HTR5A: variants seen among roughly 807,000 people sequenced by gnomAD.
The protein encoded by HTR5A is 5-HT-5.
A neutral mutation model predicts 24.3 loss-of-function variants in HTR5A; 21 were observed. The observed-to-expected ratio is 0.86, with a 90% CI of 0.61 to 1.24. The LOEUF (loss-of-function observed/expected upper bound fraction) is 1.24, where lower values mean the gene tolerates loss of function less well. HTR5A is among the 50% of genes most tolerant of loss of function. HTR5A has a pLI of 0.00. For missense variants in HTR5A, 497 were observed against 489.5 expected (o/e 1.02, Z -0.15); for synonymous variants, 260 against 213.7 (o/e 1.22, Z -1.89).
chr7:155,080,925 T>C (rs77117702), intron 1 of HTR5A, among the ~76,000 whole-genome samples: 2,031 of 152,304 alleles, frequency 0.013, 41 homozygotes, highest in African/African-American at 0.041. Context: ...CTGACCTTAA[T>C]TGGCTGACTT....
chr7:155,074,647 C>A (rs1321904519), intron 1 of HTR5A: 1 of 152,106 alleles, frequency 6.6e-6, no homozygotes, highest in Admixed American at 6.5e-5. Context: ...AACTATTTTA[C>A]CTTCTATTAT....
chr7:155,087,379 A>T lies in HTR5A; in HGVS notation c.*2892A>T, dbSNP rs1262927900. 6.6e-6 allele frequency among the ~76,000 whole-genome samples: 1 copy of T among 152,206 alleles called. No homozygotes were observed. Among genetic ancestry groups the T allele is most frequent in the Non-Finnish European group, 1.5e-5 (1 of 68,026 alleles). On this transcript the variant is annotated 3_prime_UTR_variant, in exon 2 of 2. Coordinates refer to ENST00000287907, the MANE Select transcript of HTR5A (RefSeq NM_024012.4). ...TCTATTAAAGAGAAAATAAAGATTG[A>T]GTCCACAGCTCAAGTGCTGAGTGAA...
chr7:155,082,460 A>C (rs1795428332), intron 1 of HTR5A, among the ~76,000 whole-genome samples: 1 of 152,192 alleles, frequency 6.6e-6, no homozygotes, highest in African/African-American at 2.4e-5. Flanking sequence ...TTCCAGTATA[A>C]CCAGCATCTC....
intron 1 of HTR5A, among the ~76,000 whole-genome samples, chr7:155,079,797 G>C (rs375116733): frequency 6.6e-6 from 1 of 152,118 alleles, no homozygotes; most frequent in Non-Finnish European, 1.5e-5. Context: ...AGTGTCTCAG[G>C]GTCCTGGACC....
chr7:155,071,413 A>G lies in HTR5A; in HGVS notation c.514A>G (p.Ile172Val). Residue 172 changes from isoleucine (I) to valine (V), a missense_variant, in exon 1 of 2, where the codon ATC (isoleucine) becomes GTC (valine). Coordinates refer to ENST00000287907, the MANE Select transcript of HTR5A (RefSeq NM_024012.4). ...IALTWALSAV[I>V]SLAPLLFGWG... is the part of the protein sequence containing the mutation. The stretch of plus-strand genomic sequence containing the variant: ...GCTCACCTGGGCACTCTCCGCTGTC[A>G]TCTCTCTGGCCCCGCTGCTTTTTGG... 1 of 1,614,158 alleles carries G rather than the reference A, an allele frequency of 6.2e-7. No homozygotes were observed. The highest frequency in any genetic ancestry group is 8.5e-7 in the Non-Finnish European group (1 of 1,180,032).
In HTR5A at chr7:155,077,551, C is replaced by T. The variant is rs1244107719; in HGVS notation, c.741+5911C>T. Among the ~76,000 whole-genome samples, 3 of 151,384 alleles carry T rather than the reference C, an allele frequency of 2.0e-5. No homozygotes were observed. The East Asian group carries it at 5.8e-4, about 29-fold the overall frequency. ...TAATCTCAGCTCACTGCAATCTCCA[C>T]CTCCCAGGTTCAAATCATTCTCCTG... On this transcript the variant is annotated intron_variant, in intron 1 of 1. Coordinates refer to ENST00000287907, the MANE Select transcript of HTR5A (RefSeq NM_024012.4).
At position 155,070,417 on chromosome 7, in the gene HTR5A, G is replaced by C. The variant is rs867843930; in HGVS notation, c.-483G>C. The C allele has an allele frequency of 8.8e-6, 4 of 454,690 alleles. No individual in the cohort carries two copies. Among genetic ancestry groups the C allele is most frequent in the African/African-American group, 8.0e-5 (4 of 50,008 alleles). 28.2% of individuals were successfully genotyped at this position (454,690 alleles called of 1,614,324 possible). A position where few individuals can be genotyped will look rare whatever the true frequency, so the allele number is the denominator to read the frequency against. ...CAGAAAGCAGGTTCCCCCAAAACTGGCTTCCCTAGCACGGAGTTAAGGCTG... is the reference window on the plus strand; with the variant it reads ...CAGAAAGCAGGTTCCCCCAAAACTGCCTTCCCTAGCACGGAGTTAAGGCTG... On this transcript the variant is annotated 5_prime_UTR_variant, in exon 1 of 2. Transcript: ENST00000287907.
intron 1 of HTR5A, among the ~76,000 whole-genome samples, chr7:155,077,907 T>C (rs1487718160): frequency 6.6e-6 from 1 of 152,230 alleles, no homozygotes; most frequent in Non-Finnish European, 1.5e-5. Flanking sequence ...GTAGTTATAT[T>C]GACACCCACA....
chr7:155,073,863 G>GTATATATATATATATACGTATATATA (rs58094908), intron 1 of HTR5A, among the ~76,000 whole-genome samples: 2 of 68,102 alleles, frequency 2.9e-5, no homozygotes, highest in African/African-American at 1.1e-4. Flanking sequence ...ATGTGTGTGT[G>GTATATATATATATATACGTATATATA]TGTATATATA....
In HTR5A at chr7:155,084,229, G is replaced by C. The variant is rs766169807; in HGVS notation, c.816G>C (p.Gly272=). Residue 272 remains glycine, a synonymous_variant, in exon 2 of 2, where the codon GGG becomes GGC. Transcript: ENST00000287907. ...CCACCGTCACCTTCCAGCCAGAAGGGGACACGTGGCGGGAGCAGAAGGAGC... is the reference window on the plus strand; with the variant it reads ...CCACCGTCACCTTCCAGCCAGAAGGCGACACGTGGCGGGAGCAGAAGGAGC... ...RHATVTFQPE[G]DTWREQKEQR... is the part of the protein sequence containing the mutation. The C allele has an allele frequency of 1.2e-6, 2 of 1,614,074 alleles. No homozygotes were observed. The highest frequency in any genetic ancestry group is 1.7e-6 in the Non-Finnish European group (2 of 1,180,014).
Position 155,071,605 on chromosome 7 carries a change from A to C in HTR5A, c.706A>C (p.Thr236Pro), listed in dbSNP as rs1795296129. Residue 236 changes from threonine to proline, a missense_variant, in exon 1 of 2, where the codon ACC (threonine) becomes CCC (proline). Physicochemically the swap from Thr to Pro is conservative, Grantham distance 38 (BLOSUM62 -1). Coordinates refer to ENST00000287907, the MANE Select transcript of HTR5A (RefSeq NM_024012.4). ...AAKFRVGSRK[T>P]NSVSPISEAV... ...CAAGTTCCGCGTGGGCTCCAGGAAG[A>C]CCAATAGCGTCTCACCCATATCCGA... The C allele has an allele frequency of 1.2e-6, 2 of 1,614,148 alleles. No individual in the cohort carries two copies. The highest frequency in any genetic ancestry group is 1.7e-6 in the Non-Finnish European group (2 of 1,180,030).
rs375190037 is a variant in HTR5A, at chr7:155,070,972, G to C, written c.73G>C (p.Gly25Arg). The change falls in exon 1 of 2, where the codon GGC becomes CGC. Residue 25 changes from glycine to arginine, a missense_variant. Physicochemically the swap from Gly to Arg is moderately radical, Grantham distance 125 (BLOSUM62 -2). Coordinates refer to ENST00000287907, the MANE Select transcript of HTR5A (RefSeq NM_024012.4). ...PSPLETNHSL[G>R]KDDLRPSSPL... ...CCCTTTGGAGACCAACCACAGCCTC[G>C]GCAAAGACGACCTGCGCCCCAGCTC... 6.2e-7 allele frequency: 1 copy of C among 1,611,030 alleles called. No homozygotes were observed. Among genetic ancestry groups the C allele is most frequent in the Non-Finnish European group, 8.5e-7 (1 of 1,179,992 alleles).
intron 1 of HTR5A, among the ~76,000 whole-genome samples, chr7:155,073,038 G>A (rs1353651316): frequency 6.6e-6 from 1 of 152,086 alleles, no homozygotes; most frequent in Non-Finnish European, 1.5e-5. Context: ...TAAGAATTGA[G>A]GGCCAGGTGC....
At position 155,084,244 on chromosome 7, in the gene HTR5A, G is replaced by C. The variant is rs776018823; in HGVS notation, c.831G>C (p.Glu277Asp). Reference sequence around the variant, plus strand: ...AGCCAGAAGGGGACACGTGGCGGGAGCAGAAGGAGCAGCGGGCCGCCCTCA... The same window carrying C: ...AGCCAGAAGGGGACACGTGGCGGGACCAGAAGGAGCAGCGGGCCGCCCTCA... ...TFQPEGDTWR[E>D]QKEQRAALMV... is the part of the protein sequence containing the mutation. Residue 277 changes from glutamate (E) to aspartate (D), a missense_variant, in exon 2 of 2, where the codon GAG becomes GAC. Transcript: ENST00000287907. 10 of 1,614,040 alleles carry C rather than the reference G, an allele frequency of 6.2e-6. No individual in the cohort carries two copies. The African/African-American group carries it at 1.2e-4, about 19-fold the overall frequency.
chr7:155,084,622 T>G lies in HTR5A; in HGVS notation c.*135T>G. 1.4e-6 allele frequency: 1 copy of G among 727,264 alleles called. No individual in the cohort carries two copies. The allele number at this position is 727,264 out of a possible 1,614,324, so 45.1% of individuals were successfully genotyped here. ...CATTCTCCAGGGTCATCTTCAGAAC[T>G]GCACTGGCCTCTTTTCCACCTCCTC... On this transcript the variant is annotated 3_prime_UTR_variant, in exon 2 of 2. Transcript: ENST00000287907.
At chr7:155,082,878 T>C (rs1795433508) in intron 1 of HTR5A, among the ~76,000 whole-genome samples, 1 of 152,214 alleles carries the variant, frequency 6.6e-6, no homozygotes, top group Admixed American at 6.5e-5. Flanking sequence ...TCAATGCTTA[T>C]TTTATATGTG....
Position 155,084,208 on chromosome 7 carries a change from C to G in HTR5A, c.795C>G (p.Thr265=). The change falls in exon 2 of 2, where the codon ACC becomes ACG. Residue 265 remains threonine, a synonymous_variant. Transcript: ENST00000287907. The part of the protein sequence containing the change: ...PQMVFTVRHA[T]VTFQPEGDTW... ...TGGTGTTCACGGTCCGCCACGCCACCGTCACCTTCCAGCCAGAAGGGGACA... is the reference window on the plus strand; with the variant it reads ...TGGTGTTCACGGTCCGCCACGCCACGGTCACCTTCCAGCCAGAAGGGGACA... 1 of 1,613,988 alleles carries G rather than the reference C, an allele frequency of 6.2e-7. No homozygotes were observed.
rs929096350 is a variant in HTR5A, at chr7:155,086,811, A to G, written c.*2324A>G. Among the ~76,000 whole-genome samples, 3 of 152,216 alleles carry G rather than the reference A, an allele frequency of 2.0e-5. No homozygotes were observed. In the South Asian group the frequency reaches 6.2e-4, roughly 32 times the overall value. On this transcript the variant is annotated 3_prime_UTR_variant, in exon 2 of 2. Transcript: ENST00000287907. Reference sequence around the variant, plus strand: ...AAATATTTGTGAAACACTCTCATTTATGCTTGACTGCTAATATTTTATCAG... The same window carrying G: ...AAATATTTGTGAAACACTCTCATTTGTGCTTGACTGCTAATATTTTATCAG...
chr7:155,082,329 G>A (rs959681691), intron 1 of HTR5A, among the ~76,000 whole-genome samples: 2 of 151,868 alleles, frequency 1.3e-5, no homozygotes, highest in Non-Finnish European at 2.9e-5. Flanking sequence ...GGCATCCATG[G>A]TGTCATCAGG....
Sources: allele counts gnomAD v4.1 joint callset (sites outside exome capture counted in the v4.1 genomes callset), GRCh38; gene constraint gnomAD v4.1.1; transcripts MANE v1.5; gene names NCBI Gene and HGNC (gene_info 2026-07-23, HGNC 2026-07-21).